PIK3CA: variants seen among roughly 807,000 people sequenced by gnomAD.
PIK3CA encodes the protein phosphatidylinositol 4,5-bisphosphate 3-kinase catalytic subunit alpha isoform.
A neutral mutation model predicts 138.2 loss-of-function variants in PIK3CA; 27 were observed. That is an observed-to-expected ratio of 0.20 (90% CI 0.14 to 0.27). The LOEUF is 0.27. PIK3CA is among the 10% of genes least tolerant of loss of function. The pLI, the probability that PIK3CA is intolerant of heterozygous loss-of-function variation, is 1.00. For synonymous variants in PIK3CA, 358 were observed against 413.2 expected (o/e 0.87, Z 1.62); for missense variants, 544 against 1,277.4 (o/e 0.43, Z 8.75).
chr3:179,217,862 A>G lies in PIK3CA; in HGVS notation c.1540-348A>G, dbSNP rs1724872405. Among the ~76,000 whole-genome samples, 5 of 152,202 alleles carry G rather than the reference A, an allele frequency of 3.3e-5. No individual in the cohort carries two copies. The South Asian group carries it at 1.0e-3, about 31-fold the overall frequency. The stretch of plus-strand genomic sequence containing the variant: ...TTCTCTATATCAAAAACATTCACAG[A>G]TAAGTTAACAAGATCCTCATCAGGA... On this transcript the variant is annotated intron_variant, in intron 9 of 20. Transcript: ENST00000263967.
chr3:179,182,086 A>G (rs1168397079), intron 1 of PIK3CA, among the ~76,000 whole-genome samples: 1 of 152,144 alleles, frequency 6.6e-6, no homozygotes, highest in Non-Finnish European at 1.5e-5. Context: ...TGACGGCTTA[A>G]AGTTTTAGAT....
intron 1 of PIK3CA, among the ~76,000 whole-genome samples, chr3:179,174,870 G>C (rs1265176590): frequency 6.6e-6 from 1 of 152,116 alleles, no homozygotes; most frequent in Non-Finnish European, 1.5e-5. Flanking sequence ...TCAGAAATCT[G>C]CTTAGTTACC....
chr3:179,161,342 A>G (rs1248818855), intron 1 of PIK3CA, among the ~76,000 whole-genome samples: 1 of 152,256 alleles, frequency 6.6e-6, no homozygotes, highest in African/African-American at 2.4e-5. Context: ...GCCTAGTATC[A>G]TTGAATTTCC....
chr3:179,177,122 G>C (rs1723716094), intron 1 of PIK3CA, among the ~76,000 whole-genome samples: 1 of 151,988 alleles, frequency 6.6e-6, no homozygotes, highest in Admixed American at 6.6e-5. Context: ...TGACTTGCCT[G>C]AACTATTTGT....
intron 1 of PIK3CA, among the ~76,000 whole-genome samples, chr3:179,181,090 G>C (rs900929943): frequency 7.9e-5 from 12 of 152,038 alleles, no homozygotes; most frequent in Non-Finnish European, 1.0e-4. Flanking sequence ...CAAAAGAGCA[G>C]TACTGAAAAT....
chr3:179,160,885 C>T (rs1192469356), intron 1 of PIK3CA, among the ~76,000 whole-genome samples: 1 of 151,998 alleles, frequency 6.6e-6, no homozygotes, highest in African/African-American at 2.4e-5. Context: ...AGAAATACCT[C>T]TTTCAGTTAC....
chr3:179,206,380 TA>T (rs1724561972), intron 6 of PIK3CA, among the ~76,000 whole-genome samples: 1 of 152,160 alleles, frequency 6.6e-6, no homozygotes, highest in African/African-American at 2.4e-5. Context: ...AAATTCTTGC[TA>T]AAACAAGAGT....
At chr3:179,206,989 A>C (rs1451644852) in intron 6 of PIK3CA, among the ~76,000 whole-genome samples, 1 of 152,126 alleles carries the variant, frequency 6.6e-6, no homozygotes, top group Non-Finnish European at 1.5e-5. Flanking sequence ...ATGTTAGTAA[A>C]ATAGCTATTT....
chr3:179,171,951 G>C (rs910761452), intron 1 of PIK3CA, among the ~76,000 whole-genome samples: 2 of 151,970 alleles, frequency 1.3e-5, no homozygotes, highest in Admixed American at 1.3e-4. Flanking sequence ...CTAGCAGCCA[G>C]TATTCCTCAT....
At chr3:179,187,726 C>G (rs1302773979) in intron 1 of PIK3CA, among the ~76,000 whole-genome samples, 1 of 151,196 alleles carries the variant, frequency 6.6e-6, no homozygotes, top group African/African-American at 2.4e-5. Flanking sequence ...CAACCTCCAC[C>G]TCCCGGGTTC....
intron 1 of PIK3CA, among the ~76,000 whole-genome samples, chr3:179,174,516 C>G (rs924562464): frequency 5.9e-5 from 9 of 152,108 alleles, no homozygotes; most frequent in African/African-American, 1.9e-4. Context: ...TCACTTCCCC[C>G]CCATTCCCTC....
At chr3:179,156,491 T>G (rs989396874) in intron 1 of PIK3CA, among the ~76,000 whole-genome samples, 1 of 152,330 alleles carries the variant, frequency 6.6e-6, no homozygotes, top group East Asian at 1.9e-4. Context: ...CTAGGTGGTT[T>G]TCAGAAAATG....
chr3:179,216,425 C>T (rs556138370), intron 9 of PIK3CA, among the ~76,000 whole-genome samples: 3 of 152,060 alleles, frequency 2.0e-5, no homozygotes, highest in South Asian at 4.2e-4. Context: ...TCTAAATCTA[C>T]GTTAAAAATT....
chr3:179,201,156 T>A (rs576632910), intron 3 of PIK3CA, 134 bp from the exon 4 acceptor site: 2 of 709,872 alleles, frequency 2.8e-6, no homozygotes, highest in East Asian at 5.1e-5. Flanking sequence ...ACCTGATATT[T>A]ACCTAGTTTT....
chr3:179,221,239 C>G (rs2108414210), intron 14 of PIK3CA, 82 bp downstream of exon 14: 1 of 866,604 alleles, frequency 1.2e-6, no homozygotes, highest in Non-Finnish European at 1.8e-6. Context: ...ATATACAGAT[C>G]ATGGTCCTTG....
intron 14 of PIK3CA, among the ~76,000 whole-genome samples, chr3:179,223,354 C>G (rs538464033): frequency 1.3e-5 from 2 of 152,278 alleles, no homozygotes; most frequent in South Asian, 4.1e-4. Context: ...AAAATCCCAG[C>G]TATTGCGTGA....
intron 9 of PIK3CA, among the ~76,000 whole-genome samples, chr3:179,215,425 G>A (rs1051194478): frequency 2.0e-5 from 3 of 152,036 alleles, no homozygotes; most frequent in Admixed American, 6.6e-5. Context: ...TCTAAGATAC[G>A]ACATGGAATC....
chr3:179,226,017 G>A lies in PIK3CA; in HGVS notation c.2472G>A (p.Trp824Ter), dbSNP rs2108419567. 1 of 1,595,990 alleles carries A rather than the reference G, an allele frequency of 6.3e-7. No homozygotes were observed. Among genetic ancestry groups the A allele is most frequent in the Non-Finnish European group, 8.6e-7 (1 of 1,165,280 alleles). The change falls in exon 17 of 21, where the codon TGG becomes TGA. Residue 824 changes from tryptophan to a stop codon, truncating the protein, a stop_gained. Coordinates refer to ENST00000263967, the MANE Select transcript of PIK3CA (RefSeq NM_006218.4). LOFTEE classifies it high-confidence loss of function. ...LQIIRIMENI[W>*]QNQGLDLRML... ...TTATTCGTATTATGGAAAATATCTG[G>A]CAAAATCAAGGTCTTGATCTTCGGT...
chr3:179,221,607 A>G (rs561395570), intron 14 of PIK3CA, among the ~76,000 whole-genome samples: 1 of 151,638 alleles, frequency 6.6e-6, no homozygotes, highest in Admixed American at 6.6e-5. Flanking sequence ...CAAGTTTAAA[A>G]TGGATTTCGA....
Sources: allele counts gnomAD v4.1 joint callset (sites outside exome capture counted in the v4.1 genomes callset), GRCh38; gene constraint gnomAD v4.1.1; transcripts MANE v1.5; gene names NCBI Gene and HGNC (gene_info 2026-07-23, HGNC 2026-07-21).